Variants in NR1D2 observed in about 807,000 individuals in gnomAD.
NR1D2 encodes nuclear receptor subfamily 1 group D member 2.
A neutral mutation model predicts 52.2 loss-of-function variants in NR1D2; 25 were observed. The ratio of observed to expected loss-of-function variants is 0.48; its 90% CI spans 0.35 to 0.67. NR1D2 has a LOEUF of 0.67. Ranked by LOEUF, NR1D2 falls within the 30% of genes least tolerant of loss-of-function variation. NR1D2 has a pLI of 0.01. For missense variants in NR1D2, 681 were observed against 707.2 expected (o/e 0.96, Z 0.42); for synonymous variants, 259 against 230.1 (o/e 1.13, Z -1.14).
intron 7 of NR1D2, among the ~76,000 whole-genome samples, chr3:23,976,194 C>T (rs372317725): frequency 5.3e-5 from 8 of 152,162 alleles, no homozygotes; most frequent in Non-Finnish European, 1.0e-4. Context: ...ATTTAATAAA[C>T]ACAATATGCT....
chr3:23,963,214 T>G (rs1320186769), intron 5 of NR1D2: 1 of 1,269,090 alleles, frequency 7.9e-7, no homozygotes. Context: ...TACGACATTC[T>G]ACATCAAAGT....
chr3:23,974,031 A>G (rs1402614861), intron 7 of NR1D2, among the ~76,000 whole-genome samples: 1 of 148,644 alleles, frequency 6.7e-6, no homozygotes, highest in Non-Finnish European at 1.5e-5. Flanking sequence ...CTATGATAAC[A>G]ATGCATTCTT....
chr3:23,965,060 T>C lies in NR1D2; in HGVS notation c.1230T>C (p.Thr410=). 6.2e-7 allele frequency: 1 copy of C among 1,614,046 alleles called. No individual in the cohort carries two copies. The highest frequency in any genetic ancestry group is 8.5e-7 in the Non-Finnish European group (1 of 1,179,940). The change falls in exon 6 of 8, where the codon ACT becomes ACC. Residue 410 remains threonine (T), a synonymous_variant. Coordinates refer to ENST00000312521, the MANE Select transcript of NR1D2 (RefSeq NM_005126.5). ...EIWEEFSMSF[T]PAVKEVVEFA... is the part of the protein sequence containing the mutation. ...GGGAAGAATTTTCGATGAGCTTCAC[T>C]CCAGCAGTGAAAGAAGTGGTGGAAT... is the stretch of plus-strand genomic sequence containing the variant.
At position 23,954,713 on chromosome 3, in the gene NR1D2, G is replaced by C. The variant is rs757278641; in HGVS notation, c.193G>C (p.Gly65Arg). The stretch of plus-strand genomic sequence containing the variant: ...GAATGGTGATCTCGCCAATATTGAA[G>C]GCATCTTGAAGAATGATCGAATAGA... ...PKNGDLANIE[G>R]ILKNDRIDCS... Residue 65 changes from glycine (G) to arginine (R), a missense_variant, in exon 2 of 8, where the codon GGC becomes CGC. By Grantham distance (125) the Gly-to-Arg change is moderately radical. Around this residue, in one of 3 missense-constraint regions of NR1D2, gnomAD observed 94 missense variants for 90.4 expected, o/e 1.04. Coordinates refer to ENST00000312521, the MANE Select transcript of NR1D2 (RefSeq NM_005126.5). 5 of 1,614,044 alleles carry C rather than the reference G, an allele frequency of 3.1e-6. No homozygotes were observed. The highest frequency in any genetic ancestry group is 4.2e-6 in the Non-Finnish European group (5 of 1,179,932).
chr3:23,967,105 C>T (rs917767028), intron 6 of NR1D2, among the ~76,000 whole-genome samples: 1 of 152,158 alleles, frequency 6.6e-6, no homozygotes, highest in Non-Finnish European at 1.5e-5. Context: ...ATGGGTGGAT[C>T]ACCTAAGGTC....
rs1392436481 is a variant in NR1D2, at chr3:23,945,446, C to G, written c.-133C>G. The G allele has an allele frequency of 3.7e-5, 13 of 348,148 alleles. No homozygotes were observed. The highest frequency in any genetic ancestry group is 2.7e-4 in the African/African-American group (12 of 45,022). 21.6% of individuals were successfully genotyped at this position (348,148 alleles called of 1,614,324 possible). Reference sequence around the variant, plus strand: ...CACGGCCTGGGGCCCGGGAGCCCCGCCCGCTCTGCCCATGAGGGGGCCCCG... The same window carrying G: ...CACGGCCTGGGGCCCGGGAGCCCCGGCCGCTCTGCCCATGAGGGGGCCCCG... On this transcript the variant is annotated 5_prime_UTR_variant, in exon 1 of 8. Transcript: ENST00000312521.
intron 7 of NR1D2, among the ~76,000 whole-genome samples, chr3:23,969,958 A>C (rs1156709519): frequency 6.6e-6 from 1 of 152,210 alleles, no homozygotes; most frequent in African/African-American, 2.4e-5. Context: ...CCTGGAGTGT[A>C]CATCAAGGAG....
chr3:23,953,371 A>G (rs975925364), intron 1 of NR1D2, among the ~76,000 whole-genome samples: 1 of 140,934 alleles, frequency 7.1e-6, no homozygotes, highest in African/African-American at 2.7e-5. Flanking sequence ...AAAAAAAAAA[A>G]TGCCAGTTTT....
chr3:23,962,483 C>T lies in NR1D2; in HGVS notation c.1024C>T (p.His342Tyr), dbSNP rs1266246441. ...NGHAICIANG[H>Y]CMNFSNAYTQ... ...TCATGCCATTTGTATTGCAAATGGA[C>T]ATTGTATGAACTTCTCCAATGCTTA... The change falls in exon 5 of 8, where the codon CAT becomes TAT. Residue 342 changes from histidine (H) to tyrosine (Y), a missense_variant. Coordinates refer to ENST00000312521, the MANE Select transcript of NR1D2 (RefSeq NM_005126.5). 6.2e-7 allele frequency: 1 copy of T among 1,613,926 alleles called. No individual in the cohort carries two copies. Among genetic ancestry groups the T allele is most frequent in the African/African-American group, 1.3e-5 (1 of 74,882 alleles).
chr3:23,951,178 T>G (rs1383378732), intron 1 of NR1D2, among the ~76,000 whole-genome samples: 2 of 152,218 alleles, frequency 1.3e-5, no homozygotes, highest in African/African-American at 4.8e-5. Flanking sequence ...GTGCTGAGGT[T>G]ACAGGCGTGA....
intron 1 of NR1D2, among the ~76,000 whole-genome samples, chr3:23,948,636 A>C (rs897996796): frequency 4.6e-5 from 7 of 152,158 alleles, no homozygotes; most frequent in Non-Finnish European, 7.4e-5. Flanking sequence ...TGTGTTCCTC[A>C]TGTTAATTCC....
At chr3:23,969,722 A>G (rs1191654377) in intron 7 of NR1D2, among the ~76,000 whole-genome samples, 1 of 152,202 alleles carries the variant, frequency 6.6e-6, no homozygotes, top group African/African-American at 2.4e-5. Flanking sequence ...TTTTGGAGAG[A>G]TGAAACTACA....
rs536586328 is a variant in NR1D2 at position 23,969,968 on chromosome 3, G to A, written c.1543+1945G>A. ...CAAAGCCTGGAGTGTACATCAAGGAGGAAGGGGGACAAAAGCCTTCAGAGT... is the reference window on the plus strand; with the variant it reads ...CAAAGCCTGGAGTGTACATCAAGGAAGAAGGGGGACAAAAGCCTTCAGAGT... On this transcript the variant is annotated intron_variant, in intron 7 of 7. Coordinates refer to ENST00000312521, the MANE Select transcript of NR1D2 (RefSeq NM_005126.5). 4.0e-4 allele frequency among the ~76,000 whole-genome samples: 61 copies of A among 152,316 alleles called. No individual in the cohort carries two copies. The South Asian group carries it at 0.013, about 32-fold the overall frequency.
chr3:23,968,079 A>G, intron 7 of NR1D2, 56 bp downstream of exon 7: 1 of 1,352,686 alleles, frequency 7.4e-7, no homozygotes, highest in Non-Finnish European at 1.1e-6. Context: ...CCAACTGGGG[A>G]GAAGATGGCA....
At chr3:23,969,227 C>T (rs868839759) in intron 7 of NR1D2, among the ~76,000 whole-genome samples, 5 of 151,230 alleles carry the variant, frequency 3.3e-5, no homozygotes, top group African/African-American at 7.3e-5. Context: ...CAGAGGTGGC[C>T]GTGAGCCGAG....
At position 23,965,310 on chromosome 3, in the gene NR1D2, G is replaced by GCT. The variant is rs1706410594; in HGVS notation, c.1332+150_1332+151dup. On this transcript the variant is annotated intron_variant, in intron 6 of 7. Transcript: ENST00000312521. The stretch of plus-strand genomic sequence containing the variant: ...GCTGGAGTGCAGCAGCGCGATCATA[G>GCT]CTCACTGCAACCTCTGCTTCCTGGG... 5.2e-6 allele frequency: 3 copies of GCT among 572,922 alleles called. No homozygotes were observed. In the East Asian group the frequency reaches 9.7e-5, roughly 18 times the overall value. The allele number at this position is 572,922 out of a possible 1,614,324, so 35.5% of individuals were successfully genotyped here. A position where few individuals can be genotyped will look rare whatever the true frequency, so the allele number is the denominator to read the frequency against.
intron 7 of NR1D2, among the ~76,000 whole-genome samples, chr3:23,975,387 G>A (rs1043867011): frequency 6.6e-6 from 1 of 151,284 alleles, no homozygotes; most frequent in Non-Finnish European, 1.5e-5. Context: ...GCCTTCCAAA[G>A]TGCTGGAATT....
At chr3:23,951,326 T>G (rs1011909766) in intron 1 of NR1D2, among the ~76,000 whole-genome samples, 1 of 152,222 alleles carries the variant, frequency 6.6e-6, no homozygotes, top group Non-Finnish European at 1.5e-5. Context: ...CACTTTCTTA[T>G]CTTTTATTTT....
At chr3:23,955,444 T>C (rs1233742340) in intron 2 of NR1D2, among the ~76,000 whole-genome samples, 1 of 152,156 alleles carries the variant, frequency 6.6e-6, no homozygotes, top group Non-Finnish European at 1.5e-5. Flanking sequence ...AAAAAATAAA[T>C]TTACAAAATT....
Sources: gnomAD v4.1 joint callset for allele counts (sites outside exome capture counted in the v4.1 genomes callset) on GRCh38, gnomAD v4.1.1 for gene constraint, gnomAD v4.1.1 regional missense constraint, MANE v1.5 for transcripts, NCBI Gene and HGNC (gene_info 2026-07-23, HGNC 2026-07-21) for gene names.